GFPT1: variants seen among roughly 807,000 people sequenced by gnomAD.
GFPT1 encodes glutamine--fructose-6-phosphate aminotransferase [isomerizing] 1.
In GFPT1, 40 loss-of-function variants were observed where a neutral mutation model predicts 92.0. The observed-to-expected ratio is 0.43, with a 90% CI of 0.34 to 0.57. GFPT1 has a LOEUF of 0.57. Ranked by LOEUF, GFPT1 falls within the 20% of genes least tolerant of loss-of-function variation. GFPT1 has a pLI of 0.02. For missense variants in GFPT1, 448 were observed against 869.1 expected (o/e 0.52, Z 6.09); for synonymous variants, 269 against 280.6 (o/e 0.96, Z 0.41).
intron 19 of GFPT1, 110 bp from the exon 20 acceptor site, chr2:69,326,343 A>G: frequency 1.4e-6 from 1 of 700,798 alleles, no homozygotes; most frequent in East Asian, 2.7e-5. Flanking sequence ...AAAACAATAC[A>G]TTCATTAACC....
At chr2:69,374,235 T>C (rs1671818452) in intron 1 of GFPT1, 122 bp from the exon 2 acceptor site, 3 of 571,218 alleles carry the variant, frequency 5.3e-6, no homozygotes, top group Non-Finnish European at 6.4e-6. Flanking sequence ...TCAAACCGTT[T>C]AAAGGCAATG....
At chr2:69,369,461 C>A (rs543535982) in intron 3 of GFPT1, among the ~76,000 whole-genome samples, 99 of 152,246 alleles carry the variant, frequency 6.5e-4, no homozygotes, top group African/African-American at 2.2e-3. Context: ...ATGTTATGAT[C>A]TAAATACTGA....
At chr2:69,349,866 G>GTA (rs1483316254) in intron 10 of GFPT1, among the ~76,000 whole-genome samples, 1 of 152,168 alleles carries the variant, frequency 6.6e-6, no homozygotes, top group Non-Finnish European at 1.5e-5. Context: ...GTCTCAAGCA[G>GTA]TATATGTGTT....
rs556647667 is a variant in GFPT1 at position 69,346,890 on chromosome 2, C to G, written c.1010-891G>C. On this transcript the variant is annotated intron_variant, in intron 11 of 19. Transcript: ENST00000357308. ...GACTACAGGCACACACTACCATGCC[C>G]GGCTCATAGTTTTGTTTTGTTTTGT... is the stretch of plus-strand genomic sequence containing the variant. 1.1e-4 allele frequency among the ~76,000 whole-genome samples: 17 copies of G among 151,708 alleles called. No individual in the cohort carries two copies. The East Asian group carries it at 2.5e-3, about 22-fold the overall frequency.
intron 1 of GFPT1, among the ~76,000 whole-genome samples, chr2:69,377,230 T>C (rs1367837641): frequency 7.9e-6 from 1 of 126,652 alleles, no homozygotes; most frequent in African/African-American, 3.2e-5. Flanking sequence ...AAAAAAAAGA[T>C]TAAGTAATGC....
rs1670490403 is a variant in GFPT1 at position 69,324,737 on chromosome 2, C to T, written c.*1452G>A. The T allele has an allele frequency of 6.6e-6, 1 of 152,146 alleles. No individual in the cohort carries two copies. The highest frequency in any genetic ancestry group is 1.5e-5 in the Non-Finnish European group (1 of 68,010). 9.4% of individuals were successfully genotyped at this position (152,146 alleles called of 1,614,324 possible). On this transcript the variant is annotated 3_prime_UTR_variant, in exon 20 of 20. Transcript: ENST00000357308. ...TAAATAATTGTGCTAAATAGCTTAT[C>T]TTCACAATTTAAAAGTAAAAACCTT...
intron 1 of GFPT1, among the ~76,000 whole-genome samples, chr2:69,386,005 C>A (rs1302831635): frequency 6.8e-6 from 1 of 146,016 alleles, no homozygotes; most frequent in African/African-American, 2.6e-5. Flanking sequence ...GTTTTCAATT[C>A]TCTTACAATG....
intron 3 of GFPT1, among the ~76,000 whole-genome samples, chr2:69,364,978 G>C (rs1021425615): frequency 3.7e-5 from 4 of 108,312 alleles, no homozygotes; most frequent in Non-Finnish European, 6.8e-5. Flanking sequence ...CTGGGTGACA[G>C]AGCGAGACTC....
chr2:69,347,416 T>C (rs1558748493), intron 11 of GFPT1, among the ~76,000 whole-genome samples: 1 of 152,098 alleles, frequency 6.6e-6, no homozygotes, highest in East Asian at 1.9e-4. Context: ...ATCATAATAA[T>C]TATAATAGTT....
chr2:69,372,509 G>C (rs1461517316), intron 2 of GFPT1, among the ~76,000 whole-genome samples: 2 of 151,984 alleles, frequency 1.3e-5, no homozygotes, highest in Non-Finnish European at 2.9e-5. Flanking sequence ...GACAGAGGTT[G>C]CAACAGTCAG....
chr2:69,365,410 T>C (rs1671586646), intron 3 of GFPT1, among the ~76,000 whole-genome samples: 1 of 152,190 alleles, frequency 6.6e-6, no homozygotes. Context: ...AAGGGGAAGC[T>C]GCAGTGAGCT....
chr2:69,335,576 A>T (rs1316389485), intron 15 of GFPT1, among the ~76,000 whole-genome samples: 1 of 152,104 alleles, frequency 6.6e-6, no homozygotes, highest in African/African-American at 2.4e-5. Context: ...CCCCAATCAA[A>T]TCCTTAAGTG....
Position 69,369,192 on chromosome 2 carries a change from ATTGAT to A in GFPT1, c.223+804_223+808del, listed in dbSNP as rs201615349. On this transcript the variant is annotated intron_variant, in intron 3 of 19. Transcript: ENST00000357308. ...ACACTACAATACAGGCAAAATAAGT[ATTGAT>A]TTAATTCGTTAAACAAGTACTACAG... 9.1e-3 allele frequency among the ~76,000 whole-genome samples: 1,387 copies of A among 152,268 alleles called. 14 individuals are homozygous for A. The highest frequency in any genetic ancestry group is 0.015 in the Non-Finnish European group (1,003 of 68,020).
At chr2:69,334,392 A>C (rs1670744384) in intron 15 of GFPT1, among the ~76,000 whole-genome samples, 1 of 152,162 alleles carries the variant, frequency 6.6e-6, no homozygotes, top group African/African-American at 2.4e-5. Flanking sequence ...AAAAAAATTA[A>C]AGTCTGTACT....
intron 5 of GFPT1, among the ~76,000 whole-genome samples, chr2:69,359,062 C>A (rs1044989288): frequency 2.0e-5 from 3 of 152,162 alleles, no homozygotes; most frequent in African/African-American, 7.2e-5. Flanking sequence ...CAGTCAAATG[C>A]TAATCATTTC....
intron 2 of GFPT1, among the ~76,000 whole-genome samples, chr2:69,372,198 C>CAAAAAAAAAAA (rs534920006): frequency 1.9e-5 from 1 of 52,736 alleles, no homozygotes; most frequent in African/African-American, 6.6e-5. Context: ...GACTCCATCT[C>CAAAAAAAAAAA]AAAAAAAAAA....
intron 8 of GFPT1, 87 bp from the exon 9 acceptor site, chr2:69,354,399 CAT>C (rs1671283625): frequency 7.8e-7 from 1 of 1,281,230 alleles, no homozygotes; most frequent in African/African-American, 1.5e-5. Context: ...ACTATATATA[CAT>C]GTGCATCTGA....
At chr2:69,330,236 G>A (rs2104601740) in intron 15 of GFPT1, among the ~76,000 whole-genome samples, 1 of 152,162 alleles carries the variant, frequency 6.6e-6, no homozygotes, top group East Asian at 1.9e-4. Context: ...TAGTAACAGT[G>A]AACTGAACCA....
chr2:69,336,997 T>G (rs192100043), intron 15 of GFPT1, among the ~76,000 whole-genome samples: 122 of 151,490 alleles, frequency 8.1e-4, no homozygotes, highest in African/African-American at 2.2e-3. Context: ...GAGCAATATC[T>G]AAAGAGAAAG....
Sources: allele counts gnomAD v4.1 joint callset (sites outside exome capture counted in the v4.1 genomes callset), GRCh38; gene constraint gnomAD v4.1.1; transcripts MANE v1.5; gene names NCBI Gene and HGNC (gene_info 2026-07-23, HGNC 2026-07-21).